The following RPL5 variants were observed in gnomAD, a reference collection of about 807,000 sequenced individuals.
RPL5 encodes ribosomal protein L5, also known as large ribosomal subunit protein uL18.
Under a neutral mutation model 38.4 loss-of-function variants are expected in RPL5, and 1 was observed. The observed-to-expected ratio is 0.03, with a 90% CI of 0.01 to 0.12. RPL5 has a LOEUF of 0.12. Ranked by LOEUF, RPL5 falls within the 10% of genes least tolerant of loss-of-function variation. The probability of loss-of-function intolerance (pLI) is 1.00; values close to 1 mark genes in which losing one functional copy is unlikely to be tolerated. For missense variants in RPL5, 243 were observed against 374.1 expected (o/e 0.65, Z 2.89); for synonymous variants, 109 against 121.2 (o/e 0.90, Z 0.66).
intron 3 of RPL5, 22 bp from the exon 4 acceptor site, chr1:92,834,757 C>A: frequency 6.2e-7 from 1 of 1,612,106 alleles, no homozygotes. Context: ...AGATTACTAA[C>A]CTAGTTTCTC....
intron 5 of RPL5, chr1:92,836,853 A>C (rs972309939): frequency 3.4e-5 from 7 of 205,220 alleles, no homozygotes; most frequent in African/African-American, 1.7e-4. Flanking sequence ...CATTTTGGGA[A>C]GTTAAGTAGG....
At chr1:92,835,008 T>G (rs1200424364) in intron 4 of RPL5, 95 bp downstream of exon 4, 28 of 1,559,108 alleles carry the variant, frequency 1.8e-5, no homozygotes, top group Non-Finnish European at 2.3e-5. Flanking sequence ...TAGCTTAAGT[T>G]GTGCTTCAGG....
Position 92,840,536 on chromosome 1 carries a change from T to A in RPL5, c.706-15T>A. The A allele has an allele frequency of 6.2e-7, 1 of 1,600,280 alleles. No individual in the cohort carries two copies. ...TGAAATGAAACCAAGTACTGTTTGCTTTCCTTTGTTTCAGATGGAGGAGAT... is the reference window on the plus strand; with the variant it reads ...TGAAATGAAACCAAGTACTGTTTGCATTCCTTTGTTTCAGATGGAGGAGAT... On this transcript the variant is annotated splice_polypyrimidine_tract_variant and intron_variant, in intron 6 of 7. Coordinates refer to ENST00000370321, the MANE Select transcript of RPL5 (RefSeq NM_000969.5).
At position 92,841,863 on chromosome 1, in the gene RPL5, T is replaced by C; in HGVS notation, c.892T>C (p.Ter298GlnextTer?). The stretch of plus-strand genomic sequence containing the variant: ...AGCTCAGGAGCGGGCTGCTGAGAGC[T>C]AAACCCAGCAATTTTCTATGATTTT... Reference protein sequence around the residue: ...LRAQERAAES* With the variant: ...LRAQERAAESQ The change falls in exon 8 of 8, where the codon TAA (stop) becomes CAA (glutamine). Residue 298 changes from the stop codon to glutamine, a stop_lost. Transcript: ENST00000370321. The C allele has an allele frequency of 6.2e-7, 1 of 1,610,412 alleles. No homozygotes were observed. The highest frequency in any genetic ancestry group is 2.1e-4 in the Middle Eastern group (1 of 4,680).
At position 92,836,164 on chromosome 1, in the gene RPL5, A is replaced by G. The variant is rs760448612; in HGVS notation, c.325-26A>G. The G allele has an allele frequency of 1.9e-6, 3 of 1,596,966 alleles. No individual in the cohort carries two copies. In the South Asian group the frequency reaches 3.3e-5, roughly 18 times the overall value. On this transcript the variant is annotated intron_variant, in intron 4 of 7. Coordinates refer to ENST00000370321, the MANE Select transcript of RPL5 (RefSeq NM_000969.5). ...TAGAGCAGTTTGAATAATTGAAACC[A>G]GCATTTACATTGGTTTCTTGAATAG... is the stretch of plus-strand genomic sequence containing the variant.
intron 5 of RPL5, 38 bp downstream of exon 5, chr1:92,836,430 G>C: frequency 6.3e-7 from 1 of 1,576,294 alleles, no homozygotes; most frequent in Non-Finnish European, 8.7e-7. Context: ...CCTGGACCGT[G>C]GTACTTCCCT....
chr1:92,839,250 T>G (rs1366820579), intron 6 of RPL5, among the ~76,000 whole-genome samples: 3 of 152,124 alleles, frequency 2.0e-5, no homozygotes, highest in African/African-American at 7.2e-5. Flanking sequence ...TCCCAGCGAC[T>G]CGGGAGGCTG....
At chr1:92,833,685 CT>C in intron 3 of RPL5, 25 bp downstream of exon 3, 6 of 1,567,128 alleles carry the variant, frequency 3.8e-6, no homozygotes, top group Non-Finnish European at 4.4e-6. Context: ...AGACAGTCCC[CT>C]TTTTTTATTG....
intron 6 of RPL5, 120 bp from the exon 7 acceptor site, chr1:92,840,431 T>C: frequency 1.3e-6 from 1 of 763,698 alleles, no homozygotes; most frequent in Non-Finnish European, 2.3e-6. Flanking sequence ...TTTACCAACA[T>C]TGATTTAGTT....
chr1:92,832,265 C>A, intron 1 of RPL5, 148 bp downstream of exon 1: 1 of 1,334,258 alleles, frequency 7.5e-7, no homozygotes, highest in Non-Finnish European at 1.1e-6. Context: ...CAGTTCCCAG[C>A]GTGGCCTTAA....
Position 92,836,405 on chromosome 1 carries a change from T to G in RPL5, c.527+13T>G. The stretch of plus-strand genomic sequence containing the variant: ...CTATCCCTCACAGGTAAGAATACTA[T>G]TTAAGACCTTGGTGCCTGGACCGTG... On this transcript the variant is annotated intron_variant, in intron 5 of 7. Coordinates refer to ENST00000370321, the MANE Select transcript of RPL5 (RefSeq NM_000969.5). The G allele has an allele frequency of 6.2e-7, 1 of 1,611,972 alleles. No individual in the cohort carries two copies. Among genetic ancestry groups the G allele is most frequent in the Non-Finnish European group, 8.5e-7 (1 of 1,178,026 alleles).
intron 5 of RPL5, 22 bp from the exon 6 acceptor site, chr1:92,837,434 A>T: frequency 6.2e-7 from 1 of 1,605,776 alleles, no homozygotes; most frequent in Non-Finnish European, 8.5e-7. Flanking sequence ...TCTATACTAA[A>T]ATATGAATAA....
intron 6 of RPL5, chr1:92,840,254 T>G (rs1021927791): frequency 1.6e-5 from 6 of 363,740 alleles, no homozygotes; most frequent in African/African-American, 1.3e-4. Flanking sequence ...GAAGTGATCC[T>G]CCCACTTCAG....
rs1190811369 is a variant in RPL5 at position 92,836,277 on chromosome 1, C to A, written c.412C>A (p.Gln138Lys). 1.9e-6 allele frequency: 3 copies of A among 1,613,976 alleles called. No individual in the cohort carries two copies. Among genetic ancestry groups the A allele is most frequent in the Non-Finnish European group, 2.5e-6 (3 of 1,180,010 alleles). Residue 138 changes from glutamine to lysine, a missense_variant, in exon 5 of 8, where the codon CAG becomes AAG. Transcript: ENST00000370321. Reference protein sequence around the residue: ...DEYNVESIDGQPGAFTCYLDA... With the variant: ...DEYNVESIDGKPGAFTCYLDA... ...ATACAATGTGGAAAGCATTGATGGTCAGCCAGGTGCCTTCACCTGCTATTT... is the reference window on the plus strand; with the variant it reads ...ATACAATGTGGAAAGCATTGATGGTAAGCCAGGTGCCTTCACCTGCTATTT...
chr1:92,836,497 G>A, intron 5 of RPL5, 105 bp downstream of exon 5: 1 of 1,021,384 alleles, frequency 9.8e-7, no homozygotes, highest in East Asian at 2.5e-5. Flanking sequence ...TCAATTGAAT[G>A]CCTGCTGTAT....
rs772751064 is a variant in RPL5 at position 92,840,614 on chromosome 1, C to G, written c.769C>G (p.Pro257Ala). Residue 257 changes from proline (P) to alanine (A), a missense_variant, in exon 7 of 8, where the codon CCC becomes GCC. By Grantham distance (27) the Pro-to-Ala change is conservative (BLOSUM62 -1). Transcript: ENST00000370321. The stretch of plus-strand genomic sequence containing the variant: ...AGAGAATCCAGTCTATGAAAAGAAG[C>G]CCAAGAAAGAAGTTAAAAAGAAGAG... ...IRENPVYEKK[P>A]KKEVKKKRWN... is the part of the protein sequence containing the mutation. The G allele has an allele frequency of 6.2e-7, 1 of 1,610,738 alleles. No homozygotes were observed. The highest frequency in any genetic ancestry group is 8.5e-7 in the Non-Finnish European group (1 of 1,179,650).
intron 7 of RPL5, among the ~76,000 whole-genome samples, chr1:92,841,282 T>C (rs1360546448): frequency 6.6e-6 from 1 of 152,242 alleles, no homozygotes; most frequent in Non-Finnish European, 1.5e-5. Context: ...TATTTGTCTT[T>C]TTGTGCCTGG....
intron 3 of RPL5, chr1:92,834,092 A>C (rs1019890376): frequency 4.0e-6 from 1 of 251,434 alleles, no homozygotes; most frequent in Non-Finnish European, 7.7e-6. Flanking sequence ...CAAGACACTG[A>C]AACCTAGTTT....
chr1:92,832,321 G>C (rs1686940824), intron 1 of RPL5: 1 of 768,320 alleles, frequency 1.3e-6, no homozygotes, highest in Non-Finnish European at 2.2e-6. Flanking sequence ...GGTTGGCGAA[G>C]AAGGGTTGCG....
Sources: gnomAD v4.1 joint callset for allele counts (sites outside exome capture counted in the v4.1 genomes callset) on GRCh38, gnomAD v4.1.1 for gene constraint, MANE v1.5 for transcripts, NCBI Gene and HGNC (gene_info 2026-07-23, HGNC 2026-07-21) for gene names.